NUBPL: variants seen among roughly 807,000 people sequenced by gnomAD.
NUBPL encodes the protein NUBP iron-sulfur cluster assembly factor, mitochondrial.
In NUBPL, 31 loss-of-function variants were observed where a neutral mutation model predicts 45.7. The ratio of observed to expected loss-of-function variants is 0.68; its 90% CI spans 0.51 to 0.92. The LOEUF is 0.92. Among genes scored for constraint, NUBPL ranks in the 40% least tolerant of loss-of-function variants. NUBPL has a pLI of 0.00. For missense variants in NUBPL, 401 were observed against 398.7 expected, an observed-to-expected ratio of 1.01 and a Z score of -0.05; for synonymous variants, 144 against 140.9, an observed-to-expected ratio of 1.02 and a Z score of -0.15.
chr14:31,611,185 A>G (rs2034747078), intron 4 of NUBPL, among the ~76,000 whole-genome samples: 1 of 152,202 alleles, frequency 6.6e-6, no homozygotes, highest in Non-Finnish European at 1.5e-5. Context: ...AAAAACCTAA[A>G]GACTCCACAA....
chr14:31,780,872 T>C (rs899663418), intron 6 of NUBPL, among the ~76,000 whole-genome samples: 15 of 152,212 alleles, frequency 9.9e-5, no homozygotes, highest in African/African-American at 2.4e-5. Context: ...AGGAATCTTA[T>C]ACAATTTTGG....
intron 4 of NUBPL, among the ~76,000 whole-genome samples, chr14:31,646,707 C>G (rs930014834): frequency 6.6e-6 from 1 of 151,944 alleles, no homozygotes; most frequent in Non-Finnish European, 1.5e-5. Flanking sequence ...TGGGTTGAAT[C>G]TATTTGGTGT....
intron 3 of NUBPL, chr14:31,578,106 T>C (rs748604872): frequency 5.2e-6 from 3 of 581,064 alleles, no homozygotes; most frequent in African/African-American, 1.9e-5. Context: ...AAAATGTCCA[T>C]AATATTACCA....
At chr14:31,798,573 A>C (rs1205932724) in intron 7 of NUBPL, among the ~76,000 whole-genome samples, 1 of 151,566 alleles carries the variant, frequency 6.6e-6, no homozygotes, top group Non-Finnish European at 1.5e-5. Flanking sequence ...CGGGTGGATC[A>C]TGGGGTCGGG....
intron 6 of NUBPL, chr14:31,771,787 C>T (rs990364075): frequency 7.0e-6 from 5 of 715,974 alleles, no homozygotes; most frequent in Non-Finnish European, 6.9e-6. Flanking sequence ...CTCTCCTTTA[C>T]CTATTACCCC....
chr14:31,810,089 T>G (rs1200443115), intron 7 of NUBPL, among the ~76,000 whole-genome samples: 2 of 152,226 alleles, frequency 1.3e-5, no homozygotes, highest in South Asian at 4.1e-4. Flanking sequence ...AGAATGTATA[T>G]TCTGTTGATT....
chr14:31,569,584 G>A (rs962955687), intron 3 of NUBPL, among the ~76,000 whole-genome samples: 2 of 152,160 alleles, frequency 1.3e-5, no homozygotes, highest in African/African-American at 4.8e-5. Flanking sequence ...TTGAGGATGT[G>A]GATGGGTAGT....
chr14:31,658,292 T>C (rs2036189038), intron 4 of NUBPL, among the ~76,000 whole-genome samples: 1 of 152,210 alleles, frequency 6.6e-6, no homozygotes, highest in Admixed American at 6.5e-5. Flanking sequence ...TTAACTGAAA[T>C]ACTTAATGTT....
Position 31,594,054 on chromosome 14 carries a change from T to G in NUBPL, c.292-5235T>G, listed in dbSNP as rs532723447. Among the ~76,000 whole-genome samples, 7 of 152,284 alleles carry G rather than the reference T, an allele frequency of 4.6e-5. No homozygotes were observed. In the South Asian group the frequency reaches 1.4e-3, roughly 32 times the overall value. On this transcript the variant is annotated intron_variant, in intron 3 of 10. Transcript: ENST00000281081. ...TATCTCTGGGCCTTAGTTTCTTTTA[T>G]CACTAAAAATTAGAAGACTAAGATG...
At chr14:31,759,671 T>G (rs1304601885) in intron 6 of NUBPL, among the ~76,000 whole-genome samples, 1 of 151,692 alleles carries the variant, frequency 6.6e-6, no homozygotes, top group Non-Finnish European at 1.5e-5. Flanking sequence ...AATGTTCATC[T>G]AGTAGAAACT....
chr14:31,771,877 G>T, intron 6 of NUBPL: 1 of 985,290 alleles, frequency 1.0e-6, no homozygotes, highest in South Asian at 4.7e-5. Flanking sequence ...ATGGCAGGTA[G>T]GTGGAACTGA....
chr14:31,563,283 A>G (rs1165545675), intron 2 of NUBPL, among the ~76,000 whole-genome samples: 2 of 152,200 alleles, frequency 1.3e-5, no homozygotes, highest in Non-Finnish European at 2.9e-5. Flanking sequence ...GATTGTAGCC[A>G]TAAGTTCTTT....
chr14:31,682,145 G>GTAT (rs2139835919), intron 6 of NUBPL, among the ~76,000 whole-genome samples: 1 of 152,110 alleles, frequency 6.6e-6, no homozygotes, highest in Admixed American at 6.5e-5. Flanking sequence ...AGGTATGATT[G>GTAT]TATATTTGCC....
intron 7 of NUBPL, among the ~76,000 whole-genome samples, chr14:31,815,458 A>G (rs942740664): frequency 1.3e-5 from 2 of 152,184 alleles, no homozygotes; most frequent in Admixed American, 6.5e-5. Context: ...GGTTTTCTAA[A>G]TATATAATCA....
intron 4 of NUBPL, chr14:31,668,015 T>G (rs77226624): frequency 2.6e-5 from 4 of 152,982 alleles, no homozygotes; most frequent in Non-Finnish European, 5.8e-5. Flanking sequence ...TGTCTCCCAG[T>G]CACGAGGCAC....
At chr14:31,825,663 TCC>T (rs1405838069) in intron 7 of NUBPL, among the ~76,000 whole-genome samples, 1 of 148,610 alleles carries the variant, frequency 6.7e-6, no homozygotes, top group African/African-American at 2.6e-5. Context: ...TTTTTCCTTT[TCC>T]TTTTCTTTTT....
intron 10 of NUBPL, among the ~76,000 whole-genome samples, chr14:31,856,292 C>T (rs1317520853): frequency 1.3e-5 from 2 of 152,220 alleles, no homozygotes; most frequent in East Asian, 3.9e-4. Flanking sequence ...ATGAGAACAG[C>T]ATGGGAAAGA....
chr14:31,619,068 G>C (rs2034989093), intron 4 of NUBPL, among the ~76,000 whole-genome samples: 1 of 152,024 alleles, frequency 6.6e-6, no homozygotes, highest in Non-Finnish European at 1.5e-5. Flanking sequence ...GATCTTTGTT[G>C]GTTTAAAGTC....
At chr14:31,670,474 T>C (rs1363758926) in intron 4 of NUBPL, among the ~76,000 whole-genome samples, 1 of 152,214 alleles carries the variant, frequency 6.6e-6, no homozygotes. Flanking sequence ...CTCTTAAGTT[T>C]AATTAGATCC....
Sources: gnomAD v4.1 joint callset for allele counts (sites outside exome capture counted in the v4.1 genomes callset) on GRCh38, gnomAD v4.1.1 for gene constraint, MANE v1.5 for transcripts, NCBI Gene and HGNC (gene_info 2026-07-23, HGNC 2026-07-21) for gene names.